The following FBXL7 variants were observed in gnomAD, a reference collection of about 807,000 sequenced individuals.
FBXL7 encodes the protein F-box and leucine rich repeat protein 7.
Under a neutral mutation model 38.3 loss-of-function variants are expected in FBXL7, and 12 were observed. The observed-to-expected ratio is 0.31, with a 90% CI of 0.20 to 0.51. The LOEUF (loss-of-function observed/expected upper bound fraction) is 0.51. FBXL7 is among the 20% of genes least tolerant of loss of function. FBXL7 has a pLI of 0.98. For missense variants in FBXL7, 567 were observed against 676.4 expected, an observed-to-expected ratio of 0.84 and a Z score of 1.79; for synonymous variants, 297 against 300.9, an observed-to-expected ratio of 0.99 and a Z score of 0.13.
intron 1 of FBXL7, among the ~76,000 whole-genome samples, chr5:15,594,375 C>T (rs772862727): frequency 6.6e-5 from 10 of 152,290 alleles, no homozygotes; most frequent in African/African-American, 1.4e-4. Context: ...TGATCTTGGG[C>T]GGTCCACGCT....
intron 2 of FBXL7, among the ~76,000 whole-genome samples, chr5:15,810,166 CTTA>C (rs965977469): frequency 2.5e-4 from 38 of 152,070 alleles, no homozygotes; most frequent in Admixed American, 1.0e-3. Context: ...AAGTCTATTT[CTTA>C]TTTTTATTTT....
At chr5:15,705,847 T>C (rs1404142055) in intron 2 of FBXL7, among the ~76,000 whole-genome samples, 5 of 151,086 alleles carry the variant, frequency 3.3e-5, no homozygotes, top group African/African-American at 9.7e-5. Context: ...TTTAAACAAA[T>C]AAATAAATAA....
chr5:15,719,842 A>G (rs1744144452), intron 2 of FBXL7, among the ~76,000 whole-genome samples: 1 of 148,932 alleles, frequency 6.7e-6, no homozygotes, highest in Non-Finnish European at 1.5e-5. Flanking sequence ...ACATTCAGCT[A>G]AGTTCTCAAA....
intron 1 of FBXL7, among the ~76,000 whole-genome samples, chr5:15,560,017 A>G (rs1020193129): frequency 6.6e-6 from 1 of 152,218 alleles, no homozygotes; most frequent in African/African-American, 2.4e-5. Context: ...CCTCAACACT[A>G]GCATTATAAG....
At chr5:15,574,737 C>T (rs1465047738) in intron 1 of FBXL7, among the ~76,000 whole-genome samples, 1 of 152,090 alleles carries the variant, frequency 6.6e-6, no homozygotes, top group Non-Finnish European at 1.5e-5. Flanking sequence ...TACCCTTGGG[C>T]TTTGGGCTGG....
At position 15,578,556 on chromosome 5, in the gene FBXL7, G is replaced by A. The variant is rs116338186; in HGVS notation, c.38-37427G>A. On this transcript the variant is annotated intron_variant, in intron 1 of 3. Coordinates refer to ENST00000504595, the MANE Select transcript of FBXL7 (RefSeq NM_012304.5). ...ATGGCCTCAGGTGTGGTTCTGGAAC[G>A]TGAGTGCACTAAGTGTCTGCATCAT... Among the ~76,000 whole-genome samples, 151 of 152,242 alleles carry A rather than the reference G, an allele frequency of 9.9e-4. 1 individual carries two copies. Among genetic ancestry groups the A allele is most frequent in the African/African-American group, 3.2e-3 (133 of 41,548 alleles).
intron 2 of FBXL7, among the ~76,000 whole-genome samples, chr5:15,772,932 T>A (rs1736766357): frequency 6.6e-6 from 1 of 152,030 alleles, no homozygotes; most frequent in South Asian, 2.1e-4. Flanking sequence ...TCTTGCTGTG[T>A]CACCCAGACT....
chr5:15,771,258 A>G (rs1363069973), intron 2 of FBXL7, among the ~76,000 whole-genome samples: 2 of 152,100 alleles, frequency 1.3e-5, no homozygotes, highest in African/African-American at 2.4e-5. Context: ...CATCTTATTG[A>G]CACTTTCACT....
intron 2 of FBXL7, among the ~76,000 whole-genome samples, chr5:15,674,411 G>A (rs2126602077): frequency 6.6e-6 from 1 of 152,330 alleles, no homozygotes; most frequent in Non-Finnish European, 1.5e-5. Flanking sequence ...AGGTTTTGAA[G>A]GAAAGGCACT....
At chr5:15,741,404 A>G (rs1229419779) in intron 2 of FBXL7, among the ~76,000 whole-genome samples, 3 of 152,208 alleles carry the variant, frequency 2.0e-5, no homozygotes, top group African/African-American at 4.8e-5. Flanking sequence ...TTCCCTTCTA[A>G]GATAGTTCAC....
chr5:15,655,331 A>T (rs1741838988), intron 2 of FBXL7, among the ~76,000 whole-genome samples: 1 of 152,054 alleles, frequency 6.6e-6, no homozygotes, highest in Non-Finnish European at 1.5e-5. Context: ...CCCTGTGTCT[A>T]CTAAAAATAC....
At chr5:15,844,985 CT>C (rs1404498763) in intron 2 of FBXL7, among the ~76,000 whole-genome samples, 1 of 152,206 alleles carries the variant, frequency 6.6e-6, no homozygotes, top group Non-Finnish European at 1.5e-5. Flanking sequence ...GCCTCCAAAT[CT>C]GTCCTTCTTT....
chr5:15,541,381 TACAC>T (rs1214934755), intron 1 of FBXL7, among the ~76,000 whole-genome samples: 3 of 144,170 alleles, frequency 2.1e-5, no homozygotes, highest in South Asian at 2.2e-4. Context: ...CATATATATA[TACAC>T]ACACATATAT....
intron 3 of FBXL7, among the ~76,000 whole-genome samples, chr5:15,931,599 C>T (rs1742037742): frequency 6.6e-6 from 1 of 152,168 alleles, no homozygotes; most frequent in African/African-American, 2.4e-5. Context: ...AATAATTGCT[C>T]CCTATGACCT....
intron 2 of FBXL7, among the ~76,000 whole-genome samples, chr5:15,919,778 T>G: frequency 6.6e-6 from 1 of 152,350 alleles, no homozygotes; most frequent in East Asian, 1.9e-4. Flanking sequence ...AAACTGACTT[T>G]TTTCTCAGAC....
chr5:15,568,786 C>T (rs1270149093), intron 1 of FBXL7, among the ~76,000 whole-genome samples: 1 of 152,116 alleles, frequency 6.6e-6, no homozygotes, highest in Non-Finnish European at 1.5e-5. Flanking sequence ...AGGAAGGGAT[C>T]CAGTTTCAGT....
At chr5:15,511,180 C>T (rs1039116614) in intron 1 of FBXL7, among the ~76,000 whole-genome samples, 22 of 152,228 alleles carry the variant, frequency 1.4e-4, no homozygotes, top group African/African-American at 4.8e-4. Context: ...AAACTTTTAA[C>T]TCATTTTGTT....
chr5:15,623,609 A>G (rs947200159), intron 2 of FBXL7, among the ~76,000 whole-genome samples: 9 of 152,172 alleles, frequency 5.9e-5, no homozygotes, highest in South Asian at 2.1e-4. Flanking sequence ...TTATATCTTT[A>G]TATTGTCTTC....
At chr5:15,690,638 C>G (rs1412002205) in intron 2 of FBXL7, among the ~76,000 whole-genome samples, 2 of 152,158 alleles carry the variant, frequency 1.3e-5, no homozygotes, top group African/African-American at 4.8e-5. Flanking sequence ...TACTCTAATT[C>G]TCAACGTGGA....
Sources: gnomAD v4.1 joint callset for allele counts (sites outside exome capture counted in the v4.1 genomes callset) on GRCh38, gnomAD v4.1.1 for gene constraint, MANE v1.5 for transcripts, NCBI Gene and HGNC (gene_info 2026-07-23, HGNC 2026-07-21) for gene names.